RALGAPA1: variants seen among roughly 807,000 people sequenced by gnomAD.
RALGAPA1 encodes the protein ral GTPase-activating protein subunit alpha-1.
In RALGAPA1, 52 loss-of-function variants were observed where a neutral mutation model predicts 269.6. The observed-to-expected ratio is 0.19, with a 90% CI of 0.15 to 0.24. The LOEUF (loss-of-function observed/expected upper bound fraction) is 0.24. RALGAPA1 is among the 10% of genes least tolerant of loss of function. RALGAPA1 has a pLI of 1.00. For synonymous variants in RALGAPA1, 817 were observed against 1,008.3 expected (o/e 0.81, Z 3.60); for missense variants, 1,917 against 3,013.9 (o/e 0.64, Z 8.52).
intron 17 of RALGAPA1, among the ~76,000 whole-genome samples, chr14:35,691,645 T>G (rs1393516832): frequency 6.6e-6 from 1 of 152,226 alleles, no homozygotes; most frequent in Non-Finnish European, 1.5e-5. Flanking sequence ...ATTTTTGGGA[T>G]CCATGCTACT....
chr14:35,571,895 CTT>C (rs1341453130), intron 38 of RALGAPA1, among the ~76,000 whole-genome samples: 1 of 152,144 alleles, frequency 6.6e-6, no homozygotes, highest in Non-Finnish European at 1.5e-5. Flanking sequence ...ACATGAGAAA[CTT>C]AATCTAATTC....
At chr14:35,556,076 T>C (rs1348401670) in intron 39 of RALGAPA1, among the ~76,000 whole-genome samples, 1 of 152,210 alleles carries the variant, frequency 6.6e-6, no homozygotes, top group African/African-American at 2.4e-5. Flanking sequence ...AAACCACATT[T>C]GGCACTTCAG....
At chr14:35,751,910 C>T (rs765672551) in intron 8 of RALGAPA1, 114 bp downstream of exon 8, 17 of 1,401,040 alleles carry the variant, frequency 1.2e-5, no homozygotes, top group African/African-American at 1.5e-5. Flanking sequence ...TCTATACCAA[C>T]CAATACAAGT....
chr14:35,622,940 A>T (rs1393371779), intron 35 of RALGAPA1, among the ~76,000 whole-genome samples: 1 of 152,128 alleles, frequency 6.6e-6, no homozygotes, highest in East Asian at 1.9e-4. Context: ...CTCTTATACT[A>T]AAAGTACAAA....
intron 27 of RALGAPA1, among the ~76,000 whole-genome samples, chr14:35,660,133 C>T (rs760649140): frequency 3.9e-5 from 6 of 152,006 alleles, no homozygotes; most frequent in East Asian, 1.9e-4. Flanking sequence ...TGCTCACTCT[C>T]GCCACTTCTA....
chr14:35,664,791 T>C, intron 26 of RALGAPA1, 24 bp from the exon 27 acceptor site: 1 of 1,602,408 alleles, frequency 6.2e-7, no homozygotes, highest in African/African-American at 1.3e-5. Context: ...TTTTAAAAAG[T>C]TTAAAAATAT....
At position 35,627,796 on chromosome 14, in the gene RALGAPA1, T is replaced by C. The variant is rs1187069325; in HGVS notation, c.6151A>G (p.Thr2051Ala). Residue 2051 changes from threonine to alanine, a missense_variant, in exon 34 of 42, where the codon ACT becomes GCT. Thr to Ala is a moderately conservative substitution (Grantham distance 58). Transcript: ENST00000680220. ...TCAAAGAGTTCAGGAGAAAGTTCAG[T>C]ACTTTCACTGTAATGATTGTCGTGA... The part of the protein sequence containing the change: ...ENHDNHYSES[T>A]ELSPELFESP... 3 of 1,585,676 alleles carry C rather than the reference T, an allele frequency of 1.9e-6. No homozygotes were observed. The highest frequency in any genetic ancestry group is 2.6e-6 in the Non-Finnish European group (3 of 1,159,546).
intron 35 of RALGAPA1, among the ~76,000 whole-genome samples, chr14:35,621,105 T>G (rs1051456736): frequency 2.0e-5 from 3 of 152,102 alleles, no homozygotes; most frequent in Admixed American, 6.6e-5. Flanking sequence ...CTACCTGACT[T>G]CAAACATACT....
chr14:35,609,861 C>T (rs1406420140), intron 35 of RALGAPA1, among the ~76,000 whole-genome samples: 1 of 149,772 alleles, frequency 6.7e-6, no homozygotes, highest in African/African-American at 2.5e-5. Context: ...CTGGGAGTTC[C>T]AGGCTGCAGT....
intron 16 of RALGAPA1, among the ~76,000 whole-genome samples, chr14:35,701,809 A>AT (rs1260851720): frequency 2.6e-5 from 4 of 150,974 alleles, no homozygotes; most frequent in African/African-American, 7.3e-5. Flanking sequence ...TGCTTGGCTA[A>AT]TTTTTTTTTC....
intron 12 of RALGAPA1, among the ~76,000 whole-genome samples, chr14:35,731,129 G>C (rs1402732865): frequency 6.6e-6 from 1 of 152,222 alleles, no homozygotes; most frequent in Non-Finnish European, 1.5e-5. Flanking sequence ...ACACAGAAGA[G>C]AGACAACAAT....
intron 17 of RALGAPA1, 67 bp from the exon 18 acceptor site, chr14:35,690,070 A>C: frequency 8.4e-7 from 1 of 1,187,460 alleles, no homozygotes; most frequent in Non-Finnish European, 1.2e-6. Context: ...ATTAATTTCA[A>C]TAATGCTCTA....
At chr14:35,753,806 A>G (rs2072943798) in intron 7 of RALGAPA1, among the ~76,000 whole-genome samples, 1 of 152,180 alleles carries the variant, frequency 6.6e-6, no homozygotes, top group African/African-American at 2.4e-5. Context: ...ACTGAACTGT[A>G]CGTTTTAAGT....
chr14:35,711,638 C>T (rs541900769), intron 16 of RALGAPA1, among the ~76,000 whole-genome samples: 43 of 152,150 alleles, frequency 2.8e-4, no homozygotes, highest in African/African-American at 1.0e-3. Flanking sequence ...TTTGTAGAGA[C>T]AGAGTTTCAC....
At chr14:35,587,359 C>T (rs1300663886) in intron 37 of RALGAPA1, among the ~76,000 whole-genome samples, 1 of 152,102 alleles carries the variant, frequency 6.6e-6, no homozygotes, top group African/African-American at 2.4e-5. Context: ...CCCAGCCATC[C>T]CATTACTGGG....
At position 35,554,338 on chromosome 14, in the gene RALGAPA1, C is replaced by CTTTTT. The variant is rs869302363; in HGVS notation, c.7497-5109_7497-5105dup. ...CTTGTTCTTCTACTAAATACACTTT[C>CTTTTT]TTTTTTTTTTTTTTTTTTTTTTTTT... On this transcript the variant is annotated intron_variant, in intron 39 of 41. Transcript: ENST00000680220. Among the ~76,000 whole-genome samples the CTTTTT allele has an allele frequency of 3.1e-3, 263 of 85,772 alleles. 14 individuals carry two copies. Among genetic ancestry groups the CTTTTT allele is most frequent in the Middle Eastern group, 6.6e-3 (1 of 152 alleles). 56.3% of individuals were successfully genotyped at this position (85,772 alleles called of 152,430 possible).
chr14:35,553,483 T>C (rs778110201), intron 39 of RALGAPA1, among the ~76,000 whole-genome samples: 60 of 152,254 alleles, frequency 3.9e-4, no homozygotes, highest in Admixed American at 9.2e-4. Context: ...CACCTTTCGT[T>C]CTCCACAATA....
In RALGAPA1 at chr14:35,563,020, C is replaced by CA. The variant is rs71445944; in HGVS notation, c.7496+7596dup. ...TGGGCAACAGAGCGAGAGTCCGTCTCAAAAAAAAAAAAAAAAAAAAAAAAA... is the reference window on the plus strand; with the variant it reads ...TGGGCAACAGAGCGAGAGTCCGTCTCAAAAAAAAAAAAAAAAAAAAAAAAAA... On this transcript the variant is annotated intron_variant, in intron 39 of 41. Transcript: ENST00000680220. Among the ~76,000 whole-genome samples the CA allele has an allele frequency of 0.02, 753 of 37,240 alleles. 145 individuals are homozygous for CA. The East Asian group carries it at 0.26, about 13-fold the overall frequency. The allele number at this position is 37,240 out of a possible 152,430, so 24.4% of individuals were successfully genotyped here.
At chr14:35,753,237 C>A (rs2072887228) in intron 7 of RALGAPA1, among the ~76,000 whole-genome samples, 2 of 152,170 alleles carry the variant, frequency 1.3e-5, no homozygotes, top group Admixed American at 1.3e-4. Flanking sequence ...AAATTTAGGA[C>A]AACCTGAGCA....
Sources: gnomAD v4.1 joint callset for allele counts (sites outside exome capture counted in the v4.1 genomes callset) on GRCh38, gnomAD v4.1.1 for gene constraint, MANE v1.5 for transcripts, NCBI Gene and HGNC (gene_info 2026-07-23, HGNC 2026-07-21) for gene names.